The following GCN1 variants were observed in gnomAD, a reference collection of about 807,000 sequenced individuals.
The protein encoded by GCN1 is stalled ribosome sensor GCN1.
In GCN1, 90 loss-of-function variants were observed where a neutral mutation model predicts 288.4. The observed-to-expected ratio is 0.31, with a 90% CI of 0.26 to 0.37. GCN1 has a LOEUF of 0.37. Among genes scored for constraint, GCN1 ranks in the 10% least tolerant of loss-of-function variants. The pLI, the probability that GCN1 is intolerant of heterozygous loss-of-function variation, is 1.00. For synonymous variants in GCN1, 1,386 were observed against 1,420.2 expected, an observed-to-expected ratio of 0.98 and a Z score of 0.54; for missense variants, 2,586 against 3,419.9, an observed-to-expected ratio of 0.76 and a Z score of 6.08.
In GCN1 at chr12:120,144,228, G is replaced by A. The variant is rs748530439; in HGVS notation, c.5495+78C>T. On this transcript the variant is annotated intron_variant, in intron 42 of 57. Coordinates refer to ENST00000300648, the MANE Select transcript of GCN1 (RefSeq NM_006836.2). The surrounding 1 kb of genome is among the most constrained non-coding windows in gnomAD (Gnocchi z 4.7). ...TGGGTTTAAGCAATCCTCCTGCCTC[G>A]GCTTTCCAGAGTGCTCGGATTATAG... 13 of 1,513,904 alleles carry A rather than the reference G, an allele frequency of 8.6e-6. No homozygotes were observed. The East Asian group carries it at 1.1e-4, about 13-fold the overall frequency. The allele number at this position is 1,513,904 out of a possible 1,614,324, so 93.8% of individuals were successfully genotyped here. A position where few individuals can be genotyped will look rare whatever the true frequency, so the allele number is the denominator to read the frequency against.
intron 16 of GCN1, among the ~76,000 whole-genome samples, 170 bp downstream of exon 16, chr12:120,168,038 T>G (rs562697822): frequency 1.2e-4 from 19 of 152,246 alleles, no homozygotes; most frequent in Non-Finnish European, 2.1e-4. Flanking sequence ...CCTAACCTTA[T>G]GTTCCCTACA....
At chr12:120,168,696 T>C (rs1335072062) in intron 15 of GCN1, among the ~76,000 whole-genome samples, 2 of 152,152 alleles carry the variant, frequency 1.3e-5, no homozygotes, top group Non-Finnish European at 2.9e-5. Flanking sequence ...TTCAAATGCT[T>C]CCTCCATGAA....
chr12:120,157,008 A>G lies in GCN1; in HGVS notation c.3088-16T>C. 6.3e-7 allele frequency: 1 copy of G among 1,588,920 alleles called. No individual in the cohort carries two copies. Among genetic ancestry groups the G allele is most frequent in the Non-Finnish European group, 8.6e-7 (1 of 1,157,376 alleles). On this transcript the variant is annotated splice_polypyrimidine_tract_variant and intron_variant, in intron 26 of 57. Transcript: ENST00000300648. ...CCGGGCCATTCTAGGAGAGAACGGC[A>G]GGTAAGTCGAGATGAGGCTGTGGGG... is the stretch of plus-strand genomic sequence containing the variant.
At position 120,155,189 on chromosome 12, in the gene GCN1, C is replaced by T; in HGVS notation, c.3630+52G>A. 6.3e-7 allele frequency: 1 copy of T among 1,577,048 alleles called. No individual in the cohort carries two copies. The stretch of plus-strand genomic sequence containing the variant: ...GGAGCAGTAGCGGGGTGAGCAGAGA[C>T]CCACCCAACCGCACACACCCAGACT... On this transcript the variant is annotated intron_variant, in intron 30 of 57. Coordinates refer to ENST00000300648, the MANE Select transcript of GCN1 (RefSeq NM_006836.2). This position sits in a 1 kb window ranked among gnomAD's most constrained non-coding sequence, Gnocchi z 4.9.
Position 120,153,950 on chromosome 12 carries a change from G to A in GCN1, c.3702-41C>T, listed in dbSNP as rs1272924721. On this transcript the variant is annotated intron_variant, in intron 31 of 57. Transcript: ENST00000300648. This position sits in a 1 kb window ranked among gnomAD's most constrained non-coding sequence, Gnocchi z 4.4. The stretch of plus-strand genomic sequence containing the variant: ...GAGCACATCAGGAGGGGCAGTCAGG[G>A]GGCCTCCTCTGCCAGTGGAACCTCT... 1.3e-6 allele frequency: 2 copies of A among 1,574,524 alleles called. No individual in the cohort carries two copies. Among genetic ancestry groups the A allele is most frequent in the Non-Finnish European group, 1.7e-6 (2 of 1,151,598 alleles).
chr12:120,137,172 C>G lies in GCN1; in HGVS notation c.6777+34G>C. On this transcript the variant is annotated intron_variant, in intron 50 of 57. Coordinates refer to ENST00000300648, the MANE Select transcript of GCN1 (RefSeq NM_006836.2). The surrounding 1 kb of genome is among the most constrained non-coding windows in gnomAD (Gnocchi z 5.2). ...GGCCAGAAGGGCACAACAGACTGCACGCCCACAGCCCCCTGCACGAGGCCC... is the reference window on the plus strand; with the variant it reads ...GGCCAGAAGGGCACAACAGACTGCAGGCCCACAGCCCCCTGCACGAGGCCC... The G allele has an allele frequency of 6.8e-7, 1 of 1,476,436 alleles. No individual in the cohort carries two copies. The highest frequency in any genetic ancestry group is 9.5e-7 in the Non-Finnish European group (1 of 1,055,618). 91.5% of individuals were successfully genotyped at this position (1,476,436 alleles called of 1,614,324 possible).
chr12:120,129,420 C>G lies in GCN1; in HGVS notation c.7746G>C (p.Leu2582=), dbSNP rs758086394. The G allele has an allele frequency of 6.2e-7, 1 of 1,613,950 alleles. No homozygotes were observed. The highest frequency in any genetic ancestry group is 8.5e-7 in the Non-Finnish European group (1 of 1,179,812). ...KMIWWANKDP[L]PPLDPQAIKP... ...TGATGGCCTGGGGGTCCAGGGGAGG[C>G]AGTGGGTCCTTATTTGCCCACCAGA... The change falls in exon 57 of 58, where the codon CTG becomes CTC. Residue 2582 remains leucine, a synonymous_variant. Transcript: ENST00000300648.
intron 2 of GCN1, 27 bp from the exon 3 acceptor site, chr12:120,184,914 G>T: frequency 6.4e-7 from 1 of 1,551,264 alleles, no homozygotes; most frequent in Non-Finnish European, 8.9e-7. Flanking sequence ...CACAGACAGC[G>T]GTCAATAAAA....
intron 2 of GCN1, among the ~76,000 whole-genome samples, chr12:120,187,145 G>A (rs1878846254): frequency 6.6e-6 from 1 of 152,082 alleles, no homozygotes; most frequent in African/African-American, 2.4e-5. Context: ...GAGAAGTTGG[G>A]TGAAGTGGTA....
At position 120,173,783 on chromosome 12, in the gene GCN1, G is replaced by A. The variant is rs1420046154; in HGVS notation, c.1236C>T (p.Leu412=). 1.2e-6 allele frequency: 2 copies of A among 1,613,910 alleles called. No individual in the cohort carries two copies. Among genetic ancestry groups the A allele is most frequent in the African/African-American group, 2.7e-5 (2 of 74,942 alleles). Residue 412 remains leucine, a synonymous_variant, in exon 14 of 58, where the codon CTC becomes CTT. Coordinates refer to ENST00000300648, the MANE Select transcript of GCN1 (RefSeq NM_006836.2). ...TLVHAVSVLA[L]WCNRFTMEVP... is the part of the protein sequence containing the mutation. Reference sequence around the variant, plus strand: ...CTTCCATAGTGAATCGGTTACACCAGAGAGCCAGGACTGAGACAGCGTGTA... The same window carrying A: ...CTTCCATAGTGAATCGGTTACACCAAAGAGCCAGGACTGAGACAGCGTGTA...
At position 120,158,667 on chromosome 12, in the gene GCN1, T is replaced by A. The variant is rs1276621454; in HGVS notation, c.2750-52A>T. 8 of 1,496,584 alleles carry A rather than the reference T, an allele frequency of 5.3e-6. No individual in the cohort carries two copies. The highest frequency in any genetic ancestry group is 2.3e-5 in the East Asian group (1 of 42,722). The allele number at this position is 1,496,584 out of a possible 1,614,324, so 92.7% of individuals were successfully genotyped here. On this transcript the variant is annotated intron_variant, in intron 24 of 57. Coordinates refer to ENST00000300648, the MANE Select transcript of GCN1 (RefSeq NM_006836.2). This position sits in a 1 kb window ranked among gnomAD's most constrained non-coding sequence, Gnocchi z 4.3. The stretch of plus-strand genomic sequence containing the variant: ...GGAGATGACACACAGAGATGTGGAA[T>A]CCAGCCCAGGCTAAAACAGGGGACC...
Position 120,183,491 on chromosome 12 carries a change from AC to A in GCN1, c.426+77del, listed in dbSNP as rs532923671. On this transcript the variant is annotated intron_variant, in intron 5 of 57. Coordinates refer to ENST00000300648, the MANE Select transcript of GCN1 (RefSeq NM_006836.2). ...CCCAGCACCCAGAAAAGCACTTGGCACCAAGAAGGTGCTGAAACATGCTCTA... is the reference window on the plus strand; with the variant it reads ...CCCAGCACCCAGAAAAGCACTTGGCACAAGAAGGTGCTGAAACATGCTCTA... 2.6e-5 allele frequency: 24 copies of A among 915,274 alleles called. No individual in the cohort carries two copies. The East Asian group carries it at 2.6e-4, about 10-fold the overall frequency. 56.7% of individuals were successfully genotyped at this position (915,274 alleles called of 1,614,324 possible).
chr12:120,164,804 T>C (rs1477194106), intron 16 of GCN1, 83 bp from the exon 17 acceptor site: 1 of 837,878 alleles, frequency 1.2e-6, no homozygotes, highest in Non-Finnish European at 2.0e-6. Context: ...ATAACTGGAA[T>C]GAACTGAAAA....
chr12:120,170,081 A>G, intron 15 of GCN1, 88 bp downstream of exon 15: 1 of 1,215,296 alleles, frequency 8.2e-7, no homozygotes, highest in Non-Finnish European at 1.2e-6. Flanking sequence ...GTCAGGACCA[A>G]GCTAATCCTG....
At position 120,137,146 on chromosome 12, in the gene GCN1, G is replaced by A. The variant is rs1877032238; in HGVS notation, c.6777+60C>T. The A allele has an allele frequency of 3.2e-6, 4 of 1,247,860 alleles. No homozygotes were observed. The highest frequency in any genetic ancestry group is 1.5e-5 in the African/African-American group (1 of 67,872). 77.3% of individuals were successfully genotyped at this position (1,247,860 alleles called of 1,614,324 possible). A position where few individuals can be genotyped will look rare whatever the true frequency, so the allele number is the denominator to read the frequency against. ...TACCGCAGACCTGGGACAGGGGTAAGGGCCAGAAGGGCACAACAGACTGCA... is the reference window on the plus strand; with the variant it reads ...TACCGCAGACCTGGGACAGGGGTAAAGGCCAGAAGGGCACAACAGACTGCA... On this transcript the variant is annotated intron_variant, in intron 50 of 57. Coordinates refer to ENST00000300648, the MANE Select transcript of GCN1 (RefSeq NM_006836.2). The surrounding 1 kb of genome is among the most constrained non-coding windows in gnomAD (Gnocchi z 5.2).
intron 22 of GCN1, among the ~76,000 whole-genome samples, chr12:120,160,750 G>C (rs1031724179): frequency 6.6e-6 from 1 of 152,222 alleles, no homozygotes; most frequent in Non-Finnish European, 1.5e-5. Context: ...CACTGTTCCA[G>C]ATGGCAGGAA....
Position 120,137,379 on chromosome 12 carries a change from A to C in GCN1, c.6664-60T>G. ...AGCCCTCTCAAGACTGCTTCCAAAG[A>C]ATATATGGGGAAAGCGTGGGCGGGA... is the stretch of plus-strand genomic sequence containing the variant. On this transcript the variant is annotated intron_variant, in intron 49 of 57. Transcript: ENST00000300648. This position sits in a 1 kb window ranked among gnomAD's most constrained non-coding sequence, Gnocchi z 5.2. The C allele has an allele frequency of 6.8e-7, 1 of 1,480,750 alleles. No individual in the cohort carries two copies. The highest frequency in any genetic ancestry group is 1.1e-5 in the South Asian group (1 of 88,304). 91.7% of individuals were successfully genotyped at this position (1,480,750 alleles called of 1,614,324 possible).
At chr12:120,170,132 C>T (rs773804187) in intron 15 of GCN1, 37 bp downstream of exon 15, 3 of 1,592,186 alleles carry the variant, frequency 1.9e-6, no homozygotes, top group Admixed American at 1.7e-5. Context: ...GTCAGAGGCC[C>T]CTGTCTCTAC....
intron 22 of GCN1, among the ~76,000 whole-genome samples, chr12:120,161,103 A>G (rs1310303431): frequency 1.3e-5 from 2 of 152,194 alleles, no homozygotes; most frequent in African/African-American, 4.8e-5. Context: ...CCAAAGCTGA[A>G]TTCAGCAATC....
Sources: gnomAD v4.1 joint callset for allele counts (sites outside exome capture counted in the v4.1 genomes callset) on GRCh38, gnomAD v4.1.1 for gene constraint, Gnocchi (gnomAD v3.1) non-coding constraint, MANE v1.5 for transcripts, NCBI Gene and HGNC (gene_info 2026-07-23, HGNC 2026-07-21) for gene names.